The following MGAT4C variants were observed in gnomAD, a reference collection of about 807,000 sequenced individuals.
The protein encoded by MGAT4C is MGAT4 family member C, also known as alpha-1,3-mannosyl-glycoprotein 4-beta-N-acetylglucosaminyltransferase C.
A neutral mutation model predicts 40.1 loss-of-function variants in MGAT4C; 19 were observed. That is an observed-to-expected ratio of 0.47 (90% confidence interval 0.33 to 0.70). The LOEUF (loss-of-function observed/expected upper bound fraction) is 0.70, where lower values mean the gene tolerates loss of function less well. Ranked by LOEUF, MGAT4C falls within the 30% of genes least tolerant of loss-of-function variation. The pLI is 0.02. For missense variants in MGAT4C, 491 were observed against 563.2 expected (o/e 0.87, Z 1.30); for synonymous variants, 181 against 187.1 (o/e 0.97, Z 0.27).
intron 2 of MGAT4C, among the ~76,000 whole-genome samples, chr12:86,684,738 A>C (rs1209791862): frequency 1.3e-5 from 2 of 151,570 alleles, no homozygotes; most frequent in African/African-American, 4.9e-5. Context: ...CTGGCATGAG[A>C]TGGTATCTCA....
At chr12:86,479,133 A>G (rs112486640) in intron 2 of MGAT4C, among the ~76,000 whole-genome samples, 2 of 152,036 alleles carry the variant, frequency 1.3e-5, no homozygotes, top group Non-Finnish European at 2.9e-5. Context: ...AAAAATTTAC[A>G]TTTGTCATTC....
At chr12:86,382,123 G>A (rs1371099299) in intron 3 of MGAT4C, among the ~76,000 whole-genome samples, 1 of 152,196 alleles carries the variant, frequency 6.6e-6, no homozygotes. Flanking sequence ...AAGAAAATGT[G>A]GGAACATTTG....
At chr12:86,073,738 A>AC (rs1206350771) in intron 1 of MGAT4C, among the ~76,000 whole-genome samples, 2 of 151,632 alleles carry the variant, frequency 1.3e-5, no homozygotes, top group Admixed American at 1.3e-4. Context: ...CAATACCCAT[A>AC]CCCCCCATTG....
intron 3 of MGAT4C, among the ~76,000 whole-genome samples, chr12:86,335,264 C>A (rs1479644435): frequency 1.3e-5 from 2 of 152,016 alleles, no homozygotes; most frequent in African/African-American, 2.4e-5. Context: ...TTTCAGAACA[C>A]TTGTTATTTT....
intron 1 of MGAT4C, among the ~76,000 whole-genome samples, chr12:86,832,413 C>T (rs547757732): frequency 3.3e-5 from 5 of 151,704 alleles, no homozygotes; most frequent in East Asian, 3.9e-4. Context: ...ATAAGTCTGA[C>T]GTATTTATCC....
chr12:86,326,509 CATT>C (rs1954532435), intron 4 of MGAT4C, among the ~76,000 whole-genome samples: 1 of 151,826 alleles, frequency 6.6e-6, no homozygotes, highest in South Asian at 2.1e-4. Flanking sequence ...AGAAATAAAG[CATT>C]ATAAGACTTA....
At chr12:86,353,403 A>AT (rs1249655277) in intron 3 of MGAT4C, among the ~76,000 whole-genome samples, 4 of 152,188 alleles carry the variant, frequency 2.6e-5, no homozygotes, top group African/African-American at 9.6e-5. Context: ...GAAGAATCCC[A>AT]TGGGGTGAGT....
intron 2 of MGAT4C, among the ~76,000 whole-genome samples, chr12:86,627,601 G>A (rs904661984): frequency 6.6e-6 from 1 of 152,192 alleles, no homozygotes; most frequent in Non-Finnish European, 1.5e-5. Context: ...CAGGCAAACA[G>A]CATCTGGAGT....
chr12:86,067,713 G>A (rs185361098), intron 1 of MGAT4C, among the ~76,000 whole-genome samples: 1 of 151,854 alleles, frequency 6.6e-6, no homozygotes, highest in Non-Finnish European at 1.5e-5. Context: ...TAAAAAAAAA[G>A]AGACAGTGAA....
At chr12:86,473,960 A>T (rs530036898) in intron 2 of MGAT4C, among the ~76,000 whole-genome samples, 1 of 152,204 alleles carries the variant, frequency 6.6e-6, no homozygotes, top group Admixed American at 6.5e-5. Context: ...ATGAAAAGCA[A>T]GATTGTGTCA....
chr12:86,100,469 A>C (rs1874766603), intron 1 of MGAT4C, among the ~76,000 whole-genome samples: 1 of 151,406 alleles, frequency 6.6e-6, no homozygotes, highest in Non-Finnish European at 1.5e-5. Context: ...GCTAATTCCA[A>C]AAAAGACAAT....
At chr12:86,653,984 TA>T (rs1390844683) in intron 2 of MGAT4C, among the ~76,000 whole-genome samples, 3 of 151,818 alleles carry the variant, frequency 2.0e-5, no homozygotes, top group African/African-American at 4.8e-5. Flanking sequence ...AAGGGAAAAA[TA>T]AAAACAAGCA....
intron 2 of MGAT4C, among the ~76,000 whole-genome samples, chr12:86,721,529 C>A (rs999221590): frequency 6.6e-6 from 1 of 152,002 alleles, no homozygotes; most frequent in African/African-American, 2.4e-5. Flanking sequence ...CTACCTTGAC[C>A]GTAGATTCAG....
chr12:85,988,014 T>A (rs2136711253), intron 3 of MGAT4C, among the ~76,000 whole-genome samples: 1 of 152,332 alleles, frequency 6.6e-6, no homozygotes, highest in Admixed American at 6.5e-5. Context: ...ACATGGGCCT[T>A]GTTCTGTTGT....
At chr12:86,722,452 AAC>A (rs201204037) in intron 2 of MGAT4C, among the ~76,000 whole-genome samples, 2 of 152,132 alleles carry the variant, frequency 1.3e-5, no homozygotes, top group South Asian at 4.1e-4. Context: ...TGAAAAAGTA[AAC>A]ACACACACAC....
intron 2 of MGAT4C, among the ~76,000 whole-genome samples, chr12:86,667,649 T>A (rs763534096): frequency 6.6e-6 from 1 of 152,234 alleles, no homozygotes; most frequent in Non-Finnish European, 1.5e-5. Flanking sequence ...ACAGACCATA[T>A]GTAAACAAAT....
intron 2 of MGAT4C, among the ~76,000 whole-genome samples, chr12:86,007,337 T>C (rs936164036): frequency 6.6e-6 from 1 of 152,114 alleles, no homozygotes; most frequent in African/African-American, 2.4e-5. Flanking sequence ...TTTCTAATTA[T>C]TTCAATCTAT....
chr12:86,501,510 C>T (rs1408139052), intron 2 of MGAT4C, among the ~76,000 whole-genome samples: 1 of 122,780 alleles, frequency 8.1e-6, no homozygotes, highest in East Asian at 2.5e-4. Context: ...CCTCAACAGG[C>T]CCCAGTGTGT....
intron 2 of MGAT4C, among the ~76,000 whole-genome samples, chr12:86,672,323 C>CA (rs1316827080): frequency 6.6e-6 from 1 of 151,498 alleles, no homozygotes; most frequent in Non-Finnish European, 1.5e-5. Context: ...GTGTCTGCAA[C>CA]AAAAAAGAAG....
Sources: allele counts gnomAD v4.1 joint callset (sites outside exome capture counted in the v4.1 genomes callset), GRCh38; gene constraint gnomAD v4.1.1; transcripts MANE v1.5; gene names NCBI Gene and HGNC (gene_info 2026-07-23, HGNC 2026-07-21).